The following TRAPPC12 variants were observed in gnomAD, a reference collection of about 807,000 sequenced individuals.
TRAPPC12 encodes trafficking protein particle complex subunit 12, also known as TPR repeat protein 15.
A neutral mutation model predicts 69.2 loss-of-function variants in TRAPPC12; 61 were observed. The ratio of observed to expected loss-of-function variants is 0.88; its 90% confidence interval spans 0.72 to 1.09. The LOEUF is 1.09. Ranked by LOEUF, TRAPPC12 falls within the 50% of genes least tolerant of loss-of-function variation. The pLI is 0.00. For synonymous variants in TRAPPC12, 469 were observed against 438.9 expected (o/e 1.07, Z -0.86); for missense variants, 1,101 against 1,016.4 (o/e 1.08, Z -1.13).
intron 3 of TRAPPC12, 39 bp downstream of exon 3, chr2:3,401,932 A>T: frequency 7.4e-7 from 1 of 1,354,340 alleles, no homozygotes; most frequent in Non-Finnish European, 1.0e-6. Context: ...TTGTTTTGTG[A>T]TAAGTCCTGC....
At chr2:3,447,431 G>A (rs62120543) in intron 6 of TRAPPC12, among the ~76,000 whole-genome samples, 1 of 152,178 alleles carries the variant, frequency 6.6e-6, no homozygotes, top group Non-Finnish European at 1.5e-5. Flanking sequence ...AAGCAAAGGG[G>A]AAGCAAGTGT....
chr2:3,386,447 C>G (rs1391222866), intron 1 of TRAPPC12, among the ~76,000 whole-genome samples: 1 of 152,160 alleles, frequency 6.6e-6, no homozygotes, highest in African/African-American at 2.4e-5. Flanking sequence ...GCTTACATAG[C>G]CTCCCAAGGC....
intron 6 of TRAPPC12, chr2:3,456,042 C>G (rs1027644963): frequency 6.6e-6 from 1 of 152,136 alleles, no homozygotes; most frequent in African/African-American, 2.4e-5. Flanking sequence ...AGTTTCTGTT[C>G]TTATGATCAT....
intron 9 of TRAPPC12, chr2:3,467,900 G>A (rs1665891057): frequency 6.6e-6 from 1 of 152,282 alleles, no homozygotes; most frequent in Admixed American, 6.5e-5. Context: ...TGAGCTGCCA[G>A]AGATCTCAGC....
chr2:3,461,696 CA>C (rs1292157727), intron 8 of TRAPPC12, among the ~76,000 whole-genome samples: 2 of 152,250 alleles, frequency 1.3e-5, no homozygotes, highest in Admixed American at 1.3e-4. Flanking sequence ...GTGGCCCGCA[CA>C]GGTGCTTTGT....
chr2:3,382,605 C>G (rs751654151), intron 1 of TRAPPC12, among the ~76,000 whole-genome samples: 7 of 152,148 alleles, frequency 4.6e-5, no homozygotes, highest in African/African-American at 7.2e-5. Flanking sequence ...AACCAAGACT[C>G]CTTTAAGAGT....
At chr2:3,443,922 G>C in intron 6 of TRAPPC12, 31 bp downstream of exon 6, 2 of 1,547,776 alleles carry the variant, frequency 1.3e-6, no homozygotes, top group Non-Finnish European at 1.8e-6. Flanking sequence ...TCCCTGCCAC[G>C]GGGAGAACAT....
intron 2 of TRAPPC12, among the ~76,000 whole-genome samples, chr2:3,389,443 G>A (rs1248792877): frequency 6.6e-6 from 1 of 152,244 alleles, no homozygotes; most frequent in East Asian, 1.9e-4. Context: ...GCTGGACCAG[G>A]CGTGTGGCAA....
intron 8 of TRAPPC12, 66 bp from the exon 9 acceptor site, chr2:3,465,531 T>A: frequency 9.0e-7 from 1 of 1,111,010 alleles, no homozygotes; most frequent in South Asian, 1.2e-5. Flanking sequence ...CTTGTGCTCT[T>A]CTACACGTGT....
At position 3,442,965 on chromosome 2, in the gene TRAPPC12, G is replaced by A. The variant is rs1403621259; in HGVS notation, c.1418-814G>A. ...TTTATCTCATTTATAATCAGTGCAC[G>A]CTATTTGATTTTTTGATGATTGTTA... On this transcript the variant is annotated intron_variant, in intron 5 of 11. Coordinates refer to ENST00000324266, the MANE Select transcript of TRAPPC12 (RefSeq NM_016030.6). Among the ~76,000 whole-genome samples, 6 of 152,152 alleles carry A rather than the reference G, an allele frequency of 3.9e-5. No individual in the cohort carries two copies. The East Asian group carries it at 1.2e-3, about 29-fold the overall frequency.
intron 6 of TRAPPC12, chr2:3,449,420 T>C (rs1373560624): frequency 6.6e-6 from 1 of 152,406 alleles, no homozygotes; most frequent in African/African-American, 2.4e-5. Flanking sequence ...TGGCTGAGAG[T>C]TTCACGTTCA....
rs114205368 is a variant in TRAPPC12, at chr2:3,414,473, G to A, written c.1165-7408G>A. Among the ~76,000 whole-genome samples, 5,016 of 151,934 alleles carry A rather than the reference G, an allele frequency of 0.033. 265 individuals are homozygous for A. Among genetic ancestry groups the A allele is most frequent in the African/African-American group, 0.11 (4,558 of 41,314 alleles). On this transcript the variant is annotated intron_variant, in intron 3 of 11. Transcript: ENST00000324266. The surrounding 1 kb of genome is among the most constrained non-coding windows in gnomAD (Gnocchi z 4.9). ...TCCTCCCCCCTGCCGCCACCCTGGG[G>A]TCTGCCACTCTGGGGTCCAGCCTCT...
intron 9 of TRAPPC12, among the ~76,000 whole-genome samples, chr2:3,475,854 G>A (rs973034275): frequency 2.0e-5 from 3 of 152,214 alleles, no homozygotes; most frequent in Admixed American, 6.5e-5. Flanking sequence ...CCAGGCTGTC[G>A]CGAGGGTCAG....
At chr2:3,457,801 C>T (rs1160481109) in intron 7 of TRAPPC12, 108 bp downstream of exon 7, 1 of 1,503,436 alleles carries the variant, frequency 6.7e-7, no homozygotes, top group Non-Finnish European at 8.8e-7. Context: ...GTAGTCAGCA[C>T]TGCACGTGTC....
rs150349026 is a variant in TRAPPC12, at chr2:3,439,232, T to A, written c.1418-4547T>A. Among the ~76,000 whole-genome samples, 433 of 152,346 alleles carry A rather than the reference T, an allele frequency of 2.8e-3. 2 individuals are homozygous for A. Among genetic ancestry groups the A allele is most frequent in the Middle Eastern group, 0.01 (3 of 294 alleles). On this transcript the variant is annotated intron_variant, in intron 5 of 11. Coordinates refer to ENST00000324266, the MANE Select transcript of TRAPPC12 (RefSeq NM_016030.6). ...CATCTTTTTATATGCTTGTTATTGA[T>A]AAATCTTTATTGGTGATATGTCTGT... is the stretch of plus-strand genomic sequence containing the variant.
At chr2:3,442,195 G>A (rs1309421828) in intron 5 of TRAPPC12, among the ~76,000 whole-genome samples, 3 of 152,166 alleles carry the variant, frequency 2.0e-5, no homozygotes, top group African/African-American at 4.8e-5. Flanking sequence ...AACTGAGATC[G>A]GAGTATTAAC....
chr2:3,381,920 A>G (rs979780523), intron 1 of TRAPPC12, among the ~76,000 whole-genome samples: 1 of 152,120 alleles, frequency 6.6e-6, no homozygotes, highest in African/African-American at 2.4e-5. Flanking sequence ...CTTTTGTTTA[A>G]TTTACATGTT....
chr2:3,395,259 A>G (rs903327069), intron 2 of TRAPPC12, among the ~76,000 whole-genome samples: 1 of 152,142 alleles, frequency 6.6e-6, no homozygotes, highest in African/African-American at 2.4e-5. Flanking sequence ...CTCATGTATT[A>G]ATCCTTTGAT....
intron 8 of TRAPPC12, chr2:3,460,895 T>C (rs953384275): frequency 2.0e-5 from 3 of 153,248 alleles, no homozygotes; most frequent in African/African-American, 7.2e-5. Flanking sequence ...CTCCTCTCTT[T>C]GTTTGGAACG....
Sources: gnomAD v4.1 joint callset for allele counts (sites outside exome capture counted in the v4.1 genomes callset) on GRCh38, gnomAD v4.1.1 for gene constraint, Gnocchi (gnomAD v3.1) non-coding constraint, MANE v1.5 for transcripts, NCBI Gene and HGNC (gene_info 2026-07-23, HGNC 2026-07-21) for gene names.